The following CHD1L variants were observed in gnomAD, a reference collection of about 807,000 sequenced individuals.
CHD1L encodes ATP-dependent chromatin remodeler CHD1L.
CHD1L carries 118 observed loss-of-function variants against 115.9 expected under a neutral mutation model. That is an observed-to-expected ratio of 1.02 (90% CI 0.88 to 1.19). CHD1L has a LOEUF of 1.19. CHD1L is among the 50% of genes most tolerant of loss of function. CHD1L has a pLI of 0.00. For synonymous variants in CHD1L, 411 were observed against 387.1 expected (o/e 1.06, Z -0.72); for missense variants, 1,179 against 1,065.3 (o/e 1.11, Z -1.49).
chr1:147,279,305 G>A (rs1286303979), intron 14 of CHD1L, among the ~76,000 whole-genome samples: 2 of 152,138 alleles, frequency 1.3e-5, no homozygotes, highest in African/African-American at 4.8e-5. Context: ...TGCTTACGGA[G>A]GTGCAAAGTT....
intron 11 of CHD1L, among the ~76,000 whole-genome samples, chr1:147,271,527 A>G (rs587605797): frequency 9.2e-5 from 14 of 152,344 alleles, no homozygotes; most frequent in Admixed American, 7.2e-4. Context: ...AAAAGGCTCT[A>G]ACATGAGTTG....
At position 147,286,407 on chromosome 1, in the gene CHD1L, C is replaced by T. The variant is rs1683148588; in HGVS notation, c.2128C>T (p.Gln710Ter). ...AGAGAGCTCTGCTGAGCTGGATTAC[C>T]AAGACCCAGATGCTACTTCCCTCAA... ...GEESSAELDY[Q>*]DPDATSLKYV... Residue 710 changes from glutamine (Q) to a stop codon, truncating the protein, a stop_gained, in exon 18 of 23, where the codon CAA (glutamine) becomes TAA (stop). Transcript: ENST00000369258. LOFTEE classifies it high-confidence loss of function. 1.2e-6 allele frequency: 2 copies of T among 1,614,140 alleles called. No individual in the cohort carries two copies. The highest frequency in any genetic ancestry group is 2.7e-5 in the African/African-American group (2 of 75,024).
At chr1:147,185,671 A>T in the CHD1L span, among the ~76,000 whole-genome samples, 1 of 152,194 alleles carries the variant, frequency 6.6e-6, no homozygotes, top group Non-Finnish European at 1.5e-5. Context: ...GTTCAGGTTT[A>T]TCCTGTTGTT....
Position 147,295,591 on chromosome 1 carries a change from G to A in CHD1L, c.*82G>A. On this transcript the variant is annotated 3_prime_UTR_variant, in exon 23 of 23. Coordinates refer to ENST00000369258, the MANE Select transcript of CHD1L (RefSeq NM_004284.6). ...TACTGCAATAGAGTATTTCAAAATG[G>A]AATCAGGATCTGGTGGGCCTCAGAA... is the stretch of plus-strand genomic sequence containing the variant. The A allele has an allele frequency of 3.9e-6, 4 of 1,018,376 alleles. No homozygotes were observed. Among genetic ancestry groups the A allele is most frequent in the East Asian group, 2.6e-5 (1 of 38,658 alleles). 63.1% of individuals were successfully genotyped at this position (1,018,376 alleles called of 1,614,324 possible). A position where few individuals can be genotyped will look rare whatever the true frequency, so the allele number is the denominator to read the frequency against.
the CHD1L span, chr1:147,201,475 T>C: frequency 6.2e-7 from 1 of 1,613,988 alleles, no homozygotes; most frequent in Non-Finnish European, 8.5e-7. Context: ...TGGCAGGTCA[T>C]CATTTAAGGT....
At chr1:147,287,824 T>G in intron 19 of CHD1L, 91 bp downstream of exon 19, 1 of 1,045,852 alleles carries the variant, frequency 9.6e-7, no homozygotes, top group South Asian at 1.5e-5. Context: ...CAGCACTAGA[T>G]AAGGAATTAG....
At chr1:147,188,492 C>T in the CHD1L span, among the ~76,000 whole-genome samples, 715 of 144,882 alleles carry the variant, frequency 4.9e-3, 5 homozygotes, top group African/African-American at 0.016. Flanking sequence ...CACTTCACTC[C>T]AGCCTGGGTA....
the CHD1L span, chr1:147,215,659 C>G: frequency 1.9e-5 from 17 of 897,102 alleles, 1 homozygote; most frequent in South Asian, 2.8e-4. Context: ...GCAAATCAAG[C>G]CAATCTTTAG....
intron 3 of CHD1L, 87 bp downstream of exon 3, chr1:147,255,063 C>T: frequency 1.0e-6 from 1 of 979,522 alleles, no homozygotes; most frequent in Non-Finnish European, 1.5e-6. Flanking sequence ...ATAAAACAAC[C>T]TATTGTCGTA....
the CHD1L span, chr1:147,209,199 C>G: frequency 1.8e-6 from 1 of 562,954 alleles, no homozygotes; most frequent in South Asian, 2.0e-5. Context: ...GCGGGCGGAT[C>G]ACGAGGTCAG....
In CHD1L at chr1:147,280,085, G is replaced by A. The variant is rs1020714011; in HGVS notation, c.1599G>A (p.Met533Ile). Residue 533 changes from methionine (M) to isoleucine (I), a missense_variant, in exon 15 of 23, where the codon ATG becomes ATA. Transcript: ENST00000369258. The part of the protein sequence containing the change: ...DKLLASEGST[M>I]DEIDLESILG... ...TGCTGGCCTCTGAGGGGAGCACCATGGATGAAATAGACCTGGAGTCCATCC... is the reference window on the plus strand; with the variant it reads ...TGCTGGCCTCTGAGGGGAGCACCATAGATGAAATAGACCTGGAGTCCATCC... 8 of 1,613,948 alleles carry A rather than the reference G, an allele frequency of 5.0e-6. No individual in the cohort carries two copies. The African/African-American group carries it at 6.7e-5, about 13-fold the overall frequency.
At chr1:147,179,164 A>C in the CHD1L span, 1 of 1,614,076 alleles carries the variant, frequency 6.2e-7, no homozygotes, top group Non-Finnish European at 8.5e-7. Context: ...TGCTCTGGAG[A>C]GGTTCCTGCA....
chr1:147,256,107 A>G (rs1044435650), intron 4 of CHD1L, among the ~76,000 whole-genome samples, 180 bp downstream of exon 4: 1 of 152,134 alleles, frequency 6.6e-6, no homozygotes, highest in African/African-American at 2.4e-5. Flanking sequence ...ATTGTGCTTC[A>G]GATTAGTTCG....
the CHD1L span, among the ~76,000 whole-genome samples, chr1:147,194,450 A>C: frequency 6.6e-6 from 1 of 151,916 alleles, no homozygotes; most frequent in African/African-American, 2.4e-5. Context: ...TTGGGTCTTG[A>C]CTCTTTATCC....
chr1:147,267,495 T>G lies in CHD1L; in HGVS notation c.965T>G (p.Val322Gly). The G allele has an allele frequency of 6.2e-7, 1 of 1,612,484 alleles. No homozygotes were observed. Among genetic ancestry groups the G allele is most frequent in the Non-Finnish European group, 8.5e-7 (1 of 1,179,154 alleles). The change falls in exon 9 of 23, where the codon GTG becomes GGG. Residue 322 changes from valine (V) to glycine (G), a missense_variant. Val to Gly is a moderately radical substitution (Grantham distance 109). Coordinates refer to ENST00000369258, the MANE Select transcript of CHD1L (RefSeq NM_004284.6). ...ATTTTGTCCCAGCTTCGAAAGTGTG[T>G]GGATCACCCATATTTGTTTGATGGT... ...QNILSQLRKC[V>G]DHPYLFDGVE...
the CHD1L span, chr1:147,186,347 A>G: frequency 2.1e-6 from 2 of 971,232 alleles, no homozygotes; most frequent in Non-Finnish European, 2.4e-6. Context: ...TACACTAGTG[A>G]ATAGCAAGTG....
At chr1:147,284,019 A>G (rs1682021442) in intron 15 of CHD1L, among the ~76,000 whole-genome samples, 2 of 152,240 alleles carry the variant, frequency 1.3e-5, no homozygotes, top group South Asian at 4.1e-4. Context: ...GATGATCTTA[A>G]TGTCAGTGAG....
the CHD1L span, among the ~76,000 whole-genome samples, chr1:147,234,008 T>G: frequency 6.6e-6 from 1 of 152,136 alleles, no homozygotes; most frequent in Non-Finnish European, 1.5e-5. Flanking sequence ...TTTGTTCACT[T>G]GTTTATCTGC....
chr1:147,185,928 A>G, the CHD1L span, among the ~76,000 whole-genome samples: 1 of 152,214 alleles, frequency 6.6e-6, no homozygotes, highest in South Asian at 2.1e-4. Flanking sequence ...AACTGGTATA[A>G]GCAGAATGTT....
Sources: allele counts gnomAD v4.1 joint callset (sites outside exome capture counted in the v4.1 genomes callset), GRCh38; gene constraint gnomAD v4.1.1; transcripts MANE v1.5; gene names NCBI Gene and HGNC (gene_info 2026-07-23, HGNC 2026-07-21).